Variants in PLCL1 observed in about 807,000 individuals in gnomAD.
The protein encoded by PLCL1 is inactive phospholipase C-like protein 1.
A neutral mutation model predicts 84.4 loss-of-function variants in PLCL1; 41 were observed. The ratio of observed to expected loss-of-function variants is 0.49; its 90% CI spans 0.38 to 0.63. PLCL1 has a LOEUF of 0.63. Ranked by LOEUF, PLCL1 falls within the 30% of genes least tolerant of loss-of-function variation. PLCL1 has a pLI of 0.00. For missense variants in PLCL1, 1,206 were observed against 1,367.8 expected (o/e 0.88, Z 1.87); for synonymous variants, 490 against 488.3 (o/e 1.00, Z -0.05).
chr2:197,853,693 T>A (rs909038330), intron 1 of PLCL1, among the ~76,000 whole-genome samples: 3 of 152,136 alleles, frequency 2.0e-5, no homozygotes, highest in African/African-American at 7.2e-5. Flanking sequence ...CCTGACTCCC[T>A]CCTATGCATC....
intron 1 of PLCL1, among the ~76,000 whole-genome samples, chr2:197,963,022 T>C (rs1574971279): frequency 6.6e-6 from 1 of 152,106 alleles, no homozygotes; most frequent in African/African-American, 2.4e-5. Context: ...TTGTGAACAG[T>C]GTTGCAGCGA....
chr2:197,850,691 T>A (rs1687217488), intron 1 of PLCL1, among the ~76,000 whole-genome samples: 1 of 152,160 alleles, frequency 6.6e-6, no homozygotes, highest in South Asian at 2.1e-4. Context: ...GTACAACAAC[T>A]ACACCTACCT....
At chr2:197,978,176 A>T (rs1407214066) in intron 1 of PLCL1, among the ~76,000 whole-genome samples, 1 of 152,204 alleles carries the variant, frequency 6.6e-6, no homozygotes, top group Non-Finnish European at 1.5e-5. Flanking sequence ...AGGCTGATTG[A>T]TATAAAAAGT....
rs1024665393 is a variant in PLCL1 at position 198,095,552 on chromosome 2, G to A, written c.2920-5733G>A. ...TAATGTGCAAGCCACTGCGTTAAAT[G>A]TTGTGGAAGGTTCAGCAGATCTTGT... On this transcript the variant is annotated intron_variant, in intron 3 of 5. Transcript: ENST00000428675. 2.0e-5 allele frequency among the ~76,000 whole-genome samples: 3 copies of A among 152,194 alleles called. No homozygotes were observed. In the East Asian group the frequency reaches 5.8e-4, roughly 29 times the overall value.
rs969948185 is a variant in PLCL1 at position 197,949,766 on chromosome 2, T to C, written c.241-133992T>C. ...CTAATTTAAGAAGGGAGATGTTCAA[T>C]GTTCAGTTGGAAATTGTTTACTTTG... On this transcript the variant is annotated intron_variant, in intron 1 of 5. Coordinates refer to ENST00000428675, the MANE Select transcript of PLCL1 (RefSeq NM_006226.4). Among the ~76,000 whole-genome samples the C allele has an allele frequency of 2.6e-4, 39 of 152,324 alleles. No individual in the cohort carries two copies. In the East Asian group the frequency reaches 5.6e-3, roughly 22 times the overall value.
chr2:198,006,443 T>C (rs907413176), intron 1 of PLCL1, among the ~76,000 whole-genome samples: 2 of 152,196 alleles, frequency 1.3e-5, no homozygotes, highest in African/African-American at 2.4e-5. Flanking sequence ...TTGGAGTATA[T>C]ATATATGTCC....
intron 1 of PLCL1, among the ~76,000 whole-genome samples, chr2:197,834,578 G>T (rs1691141897): frequency 6.6e-6 from 1 of 152,202 alleles, no homozygotes; most frequent in African/African-American, 2.4e-5. Flanking sequence ...TTAAAGAATT[G>T]CAAATCAAAA....
chr2:198,130,042 T>A (rs772301462), intron 5 of PLCL1, among the ~76,000 whole-genome samples: 1 of 152,166 alleles, frequency 6.6e-6, no homozygotes, highest in African/African-American at 2.4e-5. Context: ...TCACCCAGGC[T>A]GGACTGTGGT....
In PLCL1 at chr2:197,897,179, TCTTCTTCTTCTC is replaced by T. The variant is rs1386455591; in HGVS notation, c.240+91846_240+91857del. On this transcript the variant is annotated intron_variant, in intron 1 of 5. Coordinates refer to ENST00000428675, the MANE Select transcript of PLCL1 (RefSeq NM_006226.4). ...TTCTTCTTCTTCTTCTTCTTCTTCT[TCTTCTTCTTCTC>T]CTTCTCCTTCTTCTTTCTTCTTCCT... is the stretch of plus-strand genomic sequence containing the variant. Among the ~76,000 whole-genome samples, 76 of 39,302 alleles carry T rather than the reference TCTTCTTCTTCTC, an allele frequency of 1.9e-3. 3 individuals are homozygous for T. The highest frequency in any genetic ancestry group is 3.5e-3 in the African/African-American group (28 of 8,102). 25.8% of individuals were successfully genotyped at this position (39,302 alleles called of 152,430 possible).
chr2:198,111,212 GT>G (rs1385770470), intron 5 of PLCL1, among the ~76,000 whole-genome samples: 1 of 151,766 alleles, frequency 6.6e-6, no homozygotes, highest in Non-Finnish European at 1.5e-5. Context: ...TGTACTACAT[GT>G]CCATCACAGG....
At chr2:198,092,673 C>T (rs752789581) in intron 3 of PLCL1, among the ~76,000 whole-genome samples, 13 of 152,168 alleles carry the variant, frequency 8.5e-5, no homozygotes, top group Non-Finnish European at 1.9e-4. Context: ...CTCAGAAAAG[C>T]CTTCCCTAAC....
At chr2:198,037,946 A>G (rs1691583652) in intron 1 of PLCL1, among the ~76,000 whole-genome samples, 1 of 152,220 alleles carries the variant, frequency 6.6e-6, no homozygotes, top group African/African-American at 2.4e-5. Flanking sequence ...CTTTTAAGTT[A>G]TTGATGCATT....
intron 1 of PLCL1, among the ~76,000 whole-genome samples, chr2:197,941,022 A>G: frequency 6.6e-6 from 1 of 152,086 alleles, no homozygotes; most frequent in East Asian, 1.9e-4. Flanking sequence ...GTTAAAAAAA[A>G]ACTAATAAGT....
At chr2:197,977,384 A>G (rs1686671323) in intron 1 of PLCL1, among the ~76,000 whole-genome samples, 2 of 152,038 alleles carry the variant, frequency 1.3e-5, no homozygotes, top group Admixed American at 6.6e-5. Context: ...GACTCAGCAG[A>G]AAAATTGGTT....
chr2:198,124,593 C>G (rs1693944179), intron 5 of PLCL1, among the ~76,000 whole-genome samples: 1 of 151,962 alleles, frequency 6.6e-6, no homozygotes, highest in African/African-American at 2.4e-5. Flanking sequence ...AATTCAGTGG[C>G]ACTCAATTAA....
intron 1 of PLCL1, among the ~76,000 whole-genome samples, chr2:197,852,667 T>C (rs1049719847): frequency 1.3e-5 from 2 of 152,196 alleles, no homozygotes; most frequent in Non-Finnish European, 2.9e-5. Context: ...ATTAATGTTA[T>C]AATTCTAAGA....
At chr2:198,066,207 C>T (rs1421975987) in intron 1 of PLCL1, among the ~76,000 whole-genome samples, 1 of 152,138 alleles carries the variant, frequency 6.6e-6, no homozygotes, top group Admixed American at 6.6e-5. Context: ...CATTCAGCCC[C>T]ATGATTTTGA....
intron 1 of PLCL1, chr2:198,071,046 A>G (rs1455268395): frequency 5.8e-6 from 5 of 866,176 alleles, no homozygotes; most frequent in Non-Finnish European, 6.9e-6. Context: ...GTAAGCTCTC[A>G]AGCTCTCATA....
At chr2:197,950,839 C>T (rs1689376760) in intron 1 of PLCL1, among the ~76,000 whole-genome samples, 1 of 152,042 alleles carries the variant, frequency 6.6e-6, no homozygotes, top group South Asian at 2.1e-4. Flanking sequence ...TAATATTCTC[C>T]TATAATGAAG....
Sources: gnomAD v4.1 joint callset for allele counts (sites outside exome capture counted in the v4.1 genomes callset) on GRCh38, gnomAD v4.1.1 for gene constraint, MANE v1.5 for transcripts, NCBI Gene and HGNC (gene_info 2026-07-23, HGNC 2026-07-21) for gene names.